The following RNF185 variants were observed in gnomAD, a reference collection of about 807,000 sequenced individuals.
RNF185 encodes the protein E3 ubiquitin-protein ligase RNF185.
In RNF185, 13 loss-of-function variants were observed where a neutral mutation model predicts 24.9. That is an observed-to-expected ratio of 0.52 (90% CI 0.34 to 0.83). RNF185 has a LOEUF of 0.83. RNF185 is among the 40% of genes least tolerant of loss of function. The pLI is 0.01. For synonymous variants in RNF185, 79 were observed against 90.3 expected (o/e 0.88, Z 0.71); for missense variants, 184 against 244.7 (o/e 0.75, Z 1.65).
chr22:31,201,731 C>A (rs1601380950), intron 6 of RNF185, 116 bp downstream of exon 6: 1 of 746,448 alleles, frequency 1.3e-6, no homozygotes. Flanking sequence ...GGATAATCAG[C>A]CTTTTCAAAA....
intron 1 of RNF185, among the ~76,000 whole-genome samples, chr22:31,173,217 T>C (rs2047946833): frequency 6.8e-6 from 1 of 147,776 alleles, no homozygotes; most frequent in Admixed American, 6.9e-5. Context: ...CCTCAATTTT[T>C]TTTTCATTTG....
chr22:31,164,678 C>T (rs756261021), intron 1 of RNF185, among the ~76,000 whole-genome samples: 46 of 151,444 alleles, frequency 3.0e-4, no homozygotes, highest in Non-Finnish European at 2.9e-4. Context: ...AACCCCCCTC[C>T]CGGGTTCAAG....
At chr22:31,177,167 A>C (rs536603867) in intron 1 of RNF185, among the ~76,000 whole-genome samples, 2 of 152,140 alleles carry the variant, frequency 1.3e-5, no homozygotes, top group African/African-American at 4.8e-5. Context: ...TACTATGTAC[A>C]CACTTCTGTC....
intron 3 of RNF185, 68 bp from the exon 4 acceptor site, chr22:31,195,401 G>T (rs909542312): frequency 4.8e-6 from 5 of 1,049,320 alleles, no homozygotes; most frequent in Admixed American, 4.2e-5. Context: ...GTGTTGTTCT[G>T]GTGGCTCTGG....
At chr22:31,188,287 T>C (rs1024652540) in intron 2 of RNF185, among the ~76,000 whole-genome samples, 1 of 152,192 alleles carries the variant, frequency 6.6e-6, no homozygotes, top group Non-Finnish European at 1.5e-5. Flanking sequence ...GGCAACAGCG[T>C]AAAACATCAA....
chr22:31,200,287 G>T (rs2048247988), intron 5 of RNF185, among the ~76,000 whole-genome samples: 1 of 152,132 alleles, frequency 6.6e-6, no homozygotes. Flanking sequence ...AGCCTGGGAG[G>T]TTGAGTCTAC....
chr22:31,196,256 C>T (rs1484170491), intron 4 of RNF185, among the ~76,000 whole-genome samples: 2 of 152,182 alleles, frequency 1.3e-5, no homozygotes, highest in African/African-American at 4.8e-5. Context: ...CTAAAGTTCC[C>T]TCTTCCTTGA....
intron 1 of RNF185, among the ~76,000 whole-genome samples, chr22:31,161,594 G>A (rs1360973219): frequency 6.6e-6 from 1 of 152,196 alleles, no homozygotes. Flanking sequence ...TTTTTTCTAA[G>A]AACAAGTTGG....
chr22:31,184,683 G>A (rs2048079515), intron 1 of RNF185, among the ~76,000 whole-genome samples: 1 of 152,208 alleles, frequency 6.6e-6, no homozygotes, highest in Non-Finnish European at 1.5e-5. Context: ...GGAGGCCGAG[G>A]CTGGCAGACC....
intron 4 of RNF185, among the ~76,000 whole-genome samples, chr22:31,196,578 C>T (rs1227106753): frequency 1.3e-5 from 2 of 152,176 alleles, no homozygotes; most frequent in Non-Finnish European, 2.9e-5. Flanking sequence ...TGACAACCCA[C>T]CCTCTGTTCC....
intron 5 of RNF185, chr22:31,197,205 T>A: frequency 2.0e-6 from 1 of 509,404 alleles, no homozygotes. Context: ...CATTTTTCTA[T>A]AATTATATAT....
In RNF185 at chr22:31,196,939, GA is replaced by G; in HGVS notation, c.314del (p.Lys105ArgfsTer49). On this transcript the variant is annotated frameshift_variant, in exon 5 of 7. Transcript: ENST00000326132. LOFTEE classifies it high-confidence loss of function. ...GSTGQQDPRE[K>X]TPPRPQGQRP... ...TTTTACACCATTTCTGTTTCAGAGAGAAGACCCCTCCTCGTCCTCAAGGACA... is the reference window on the plus strand; with the variant it reads ...TTTTACACCATTTCTGTTTCAGAGAGAGACCCCTCCTCGTCCTCAAGGACA... 6.2e-7 allele frequency: 1 copy of G among 1,612,270 alleles called. No homozygotes were observed. Among genetic ancestry groups the G allele is most frequent in the Non-Finnish European group, 8.5e-7 (1 of 1,179,428 alleles).
At chr22:31,192,435 G>T (rs1387515014) in intron 2 of RNF185, among the ~76,000 whole-genome samples, 1 of 152,180 alleles carries the variant, frequency 6.6e-6, no homozygotes, top group Non-Finnish European at 1.5e-5. Flanking sequence ...CTCAGGGGCA[G>T]AGGCTGGGGT....
intron 6 of RNF185, among the ~76,000 whole-genome samples, chr22:31,202,023 G>A (rs557341439): frequency 3.3e-5 from 5 of 152,200 alleles, no homozygotes; most frequent in African/African-American, 1.2e-4. Flanking sequence ...GACCATTTGG[G>A]GGCCTGGAAA....
intron 2 of RNF185, among the ~76,000 whole-genome samples, chr22:31,189,335 G>A (rs1182705385): frequency 2.9e-5 from 3 of 104,084 alleles, no homozygotes; most frequent in South Asian, 6.9e-4. Flanking sequence ...CTCTTGCCCA[G>A]GCTGGAGTAC....
At chr22:31,190,476 G>A (rs371788397) in intron 2 of RNF185, among the ~76,000 whole-genome samples, 47 of 151,972 alleles carry the variant, frequency 3.1e-4, no homozygotes, top group South Asian at 1.7e-3. Context: ...TAGTAGAGAC[G>A]GGGTTTTACC....
At chr22:31,178,020 G>A (rs2047999768) in intron 1 of RNF185, among the ~76,000 whole-genome samples, 2 of 152,196 alleles carry the variant, frequency 1.3e-5, no homozygotes, top group Admixed American at 1.3e-4. Flanking sequence ...GCTCTGGGAA[G>A]GTAATATATT....
At chr22:31,174,016 A>G (rs2047957392) in intron 1 of RNF185, among the ~76,000 whole-genome samples, 1 of 152,244 alleles carries the variant, frequency 6.6e-6, no homozygotes, top group South Asian at 2.1e-4. Context: ...GTTTACCTTC[A>G]GTGAACTCAG....
In RNF185 at chr22:31,184,565, G is replaced by A. The variant is rs528851587; in HGVS notation, c.-48-2482G>A. Among the ~76,000 whole-genome samples, 128 of 152,266 alleles carry A rather than the reference G, an allele frequency of 8.4e-4. 2 individuals are homozygous for A. The highest frequency in any genetic ancestry group is 6.6e-3 in the Admixed American group (101 of 15,290). ...GGCACTTTGGGAGGCCAAGGCAGGC[G>A]GCTGGGAGGTGGAGGTTGTAGCGAT... On this transcript the variant is annotated intron_variant, in intron 1 of 6. Transcript: ENST00000326132.
Sources: allele counts gnomAD v4.1 joint callset (sites outside exome capture counted in the v4.1 genomes callset), GRCh38; gene constraint gnomAD v4.1.1; transcripts MANE v1.5; gene names NCBI Gene and HGNC (gene_info 2026-07-23, HGNC 2026-07-21).